CTNNBL1: variants seen among roughly 807,000 people sequenced by gnomAD.
CTNNBL1 encodes catenin beta like 1, also known as beta-catenin-like protein 1.
In CTNNBL1, 31 loss-of-function variants were observed where a neutral mutation model predicts 72.7. The observed-to-expected ratio is 0.43, with a 90% CI of 0.32 to 0.58. The LOEUF is 0.58. Ranked by LOEUF, CTNNBL1 falls within the 20% of genes least tolerant of loss-of-function variation. The probability of loss-of-function intolerance (pLI) is 0.08; values close to 1 mark genes in which losing one functional copy is unlikely to be tolerated. For synonymous variants in CTNNBL1, 240 were observed against 267.3 expected, an observed-to-expected ratio of 0.90 and a Z score of 1.00; for missense variants, 534 against 725.1, an observed-to-expected ratio of 0.74 and a Z score of 3.03.
rs150820417 is a variant in CTNNBL1 at position 37,772,036 on chromosome 20, G to A, written c.750+3992G>A. ...CCTATCTGGGTTCTAGCATCTACCC[G>A]TAACTGTGTGATGCTCGCCCTCATG... On this transcript the variant is annotated intron_variant, in intron 7 of 15. Transcript: ENST00000361383. Among the ~76,000 whole-genome samples the A allele has an allele frequency of 2.0e-3, 307 of 152,282 alleles. 5 individuals are homozygous for A. Among genetic ancestry groups the A allele is most frequent in the African/African-American group, 7.2e-3 (299 of 41,548 alleles).
intron 15 of CTNNBL1, among the ~76,000 whole-genome samples, chr20:37,870,137 C>T (rs1027890105): frequency 2.0e-5 from 3 of 152,084 alleles, no homozygotes; most frequent in Non-Finnish European, 4.4e-5. Flanking sequence ...GCCTGCCCAC[C>T]ATGACACTCT....
chr20:37,825,690 T>G (rs536352713), intron 11 of CTNNBL1, among the ~76,000 whole-genome samples: 1 of 151,994 alleles, frequency 6.6e-6, no homozygotes, highest in Non-Finnish European at 1.5e-5. Flanking sequence ...AAAAAAGTAG[T>G]AAGAGAATGG....
rs1324998528 is a variant in CTNNBL1 at position 37,819,116 on chromosome 20, A to G, written c.1213+16068A>G. 1.3e-5 allele frequency among the ~76,000 whole-genome samples: 2 copies of G among 152,158 alleles called. 1 individual carries two copies. The highest frequency in any genetic ancestry group is 3.8e-4 in the East Asian group (2 of 5,200). On this transcript the variant is annotated intron_variant, in intron 11 of 15. Transcript: ENST00000361383. ...CATTTTATGCATTTTTTGCAATTTG[A>G]CTTGACAAAAGTGCATTGTCAAATC...
At chr20:37,745,975 C>G (rs896920844) in intron 3 of CTNNBL1, among the ~76,000 whole-genome samples, 2 of 152,192 alleles carry the variant, frequency 1.3e-5, no homozygotes, top group African/African-American at 4.8e-5. Context: ...GCCTCTGAAT[C>G]AGCTCCAAAG....
intron 10 of CTNNBL1, among the ~76,000 whole-genome samples, chr20:37,794,068 C>T (rs554862404): frequency 3.1e-4 from 47 of 151,942 alleles, no homozygotes; most frequent in Admixed American, 2.8e-3. Flanking sequence ...CATGAGCCAC[C>T]GCACCCGGCC....
chr20:37,764,534 G>A (rs1374949243), intron 5 of CTNNBL1, among the ~76,000 whole-genome samples: 1 of 152,118 alleles, frequency 6.6e-6, no homozygotes. Flanking sequence ...TGTATGATGT[G>A]GCTACTGAAA....
intron 10 of CTNNBL1, among the ~76,000 whole-genome samples, chr20:37,792,783 T>C (rs1689781888): frequency 6.6e-6 from 1 of 152,244 alleles, no homozygotes; most frequent in Non-Finnish European, 1.5e-5. Flanking sequence ...TGTTTACTGC[T>C]ATAAATTTCC....
At chr20:37,830,047 G>T (rs2072194307) in intron 11 of CTNNBL1, among the ~76,000 whole-genome samples, 1 of 152,014 alleles carries the variant, frequency 6.6e-6, no homozygotes, top group Admixed American at 6.5e-5. Context: ...TGCCTAGGCT[G>T]GTCTCAAACT....
intron 11 of CTNNBL1, among the ~76,000 whole-genome samples, chr20:37,820,975 C>T (rs540232450): frequency 1.3e-5 from 2 of 152,306 alleles, no homozygotes; most frequent in South Asian, 2.1e-4. Context: ...TGACAGAAGA[C>T]CTGCCCCTTT....
intron 11 of CTNNBL1, among the ~76,000 whole-genome samples, chr20:37,815,482 T>C (rs1346810970): frequency 3.3e-5 from 5 of 151,994 alleles, no homozygotes; most frequent in African/African-American, 9.7e-5. Flanking sequence ...CATGCCCTGC[T>C]AATTTTTGTA....
At chr20:37,826,657 G>A (rs1408026739) in intron 11 of CTNNBL1, among the ~76,000 whole-genome samples, 1 of 152,002 alleles carries the variant, frequency 6.6e-6, no homozygotes, top group Non-Finnish European at 1.5e-5. Flanking sequence ...AGAAAAGTTG[G>A]ATGAGCTGTA....
chr20:37,715,068 T>A (rs1208293480), intron 1 of CTNNBL1, among the ~76,000 whole-genome samples: 1 of 152,146 alleles, frequency 6.6e-6, no homozygotes, highest in Non-Finnish European at 1.5e-5. Flanking sequence ...CAAACATGGG[T>A]TTCTAAAACA....
intron 4 of CTNNBL1, among the ~76,000 whole-genome samples, chr20:37,749,382 G>A (rs1420265306): frequency 6.6e-6 from 1 of 152,158 alleles, no homozygotes; most frequent in Non-Finnish European, 1.5e-5. Flanking sequence ...GGAGAAGACT[G>A]ACACAAAAAA....
chr20:37,819,872 CTTT>C (rs368562087), intron 11 of CTNNBL1, among the ~76,000 whole-genome samples: 2 of 121,210 alleles, frequency 1.7e-5, no homozygotes, highest in Non-Finnish European at 1.7e-5. Context: ...CTTTTAATAT[CTTT>C]TTTTTTTTTT....
chr20:37,729,699 G>A (rs2073113607), intron 1 of CTNNBL1, among the ~76,000 whole-genome samples: 1 of 152,138 alleles, frequency 6.6e-6, no homozygotes, highest in Admixed American at 6.5e-5. Flanking sequence ...AAGAATTAGT[G>A]TTCCCAGAGG....
intron 10 of CTNNBL1, among the ~76,000 whole-genome samples, chr20:37,792,118 T>G (rs1448624266): frequency 6.6e-6 from 1 of 152,236 alleles, no homozygotes; most frequent in East Asian, 1.9e-4. Flanking sequence ...TCTCTTATTA[T>G]CCTTTTAAAA....
chr20:37,705,348 G>A (rs1568743916), intron 1 of CTNNBL1, among the ~76,000 whole-genome samples: 1 of 152,154 alleles, frequency 6.6e-6, no homozygotes, highest in Non-Finnish European at 1.5e-5. Flanking sequence ...GAGACAATTT[G>A]GATATTGCTA....
chr20:37,710,512 T>G (rs1220463946), intron 1 of CTNNBL1, among the ~76,000 whole-genome samples: 1 of 152,242 alleles, frequency 6.6e-6, no homozygotes, highest in Non-Finnish European at 1.5e-5. Context: ...AGAAATCATT[T>G]TAGCCTGAGT....
chr20:37,843,516 C>T (rs2072322320), intron 13 of CTNNBL1, among the ~76,000 whole-genome samples: 2 of 152,318 alleles, frequency 1.3e-5, no homozygotes, highest in South Asian at 4.2e-4. Flanking sequence ...TGTCCTGTTT[C>T]TCTTTGCCAC....
Sources: gnomAD v4.1 joint callset for allele counts (sites outside exome capture counted in the v4.1 genomes callset) on GRCh38, gnomAD v4.1.1 for gene constraint, MANE v1.5 for transcripts, NCBI Gene and HGNC (gene_info 2026-07-23, HGNC 2026-07-21) for gene names.